DNAH11: variants seen among roughly 807,000 people sequenced by gnomAD.
The protein encoded by DNAH11 is axonemal beta dynein heavy chain 11.
DNAH11 carries 442 observed loss-of-function variants against 526.0 expected under a neutral mutation model. The observed-to-expected ratio is 0.84, with a 90% CI of 0.78 to 0.91. The LOEUF is 0.91. DNAH11 is among the 40% of genes least tolerant of loss of function. DNAH11 has a pLI of 0.00. For missense variants in DNAH11, 6,989 were observed against 5,448.7 expected (o/e 1.28, Z -8.90); for synonymous variants, 2,461 against 1,935.9 (o/e 1.27, Z -7.12).
chr7:21,820,589 G>T (rs1455387245), intron 65 of DNAH11, among the ~76,000 whole-genome samples: 1 of 152,184 alleles, frequency 6.6e-6, no homozygotes, highest in Non-Finnish European at 1.5e-5. Flanking sequence ...TGGAGAGTCT[G>T]TGTTGGGGAG....
intron 14 of DNAH11, among the ~76,000 whole-genome samples, chr7:21,599,050 A>G (rs1181028070): frequency 6.6e-6 from 1 of 152,142 alleles, no homozygotes; most frequent in African/African-American, 2.4e-5. Context: ...ATGAACATAC[A>G]TGTGTGTGTC....
chr7:21,810,669 C>T (rs530119002), intron 63 of DNAH11, among the ~76,000 whole-genome samples: 1 of 152,186 alleles, frequency 6.6e-6, no homozygotes, highest in East Asian at 1.9e-4. Context: ...AGTAATAAAG[C>T]TTTCATCAGA....
intron 62 of DNAH11, among the ~76,000 whole-genome samples, chr7:21,804,745 C>G (rs1257002830): frequency 6.6e-6 from 1 of 152,160 alleles, no homozygotes; most frequent in Non-Finnish European, 1.5e-5. Context: ...CCTAGGGTAC[C>G]TCTGCAGGCC....
chr7:21,589,224 G>A lies in DNAH11; in HGVS notation c.1990G>A (p.Asp664Asn). The change falls in exon 12 of 82, where the codon GAT becomes AAT. Residue 664 changes from aspartate (D) to asparagine (N), a missense_variant. Physicochemically the swap from Asp to Asn is conservative, Grantham distance 23 (BLOSUM62 1). Transcript: ENST00000409508. ...TTCCTACAGATTTTTGGGCAATCCT[G>A]ATCACGCTTTAGTTTATCAAAAGTA... The part of the protein sequence containing the change: ...SLRYLFLGNP[D>N]HALVYQKYVE... The A allele has an allele frequency of 6.2e-7, 1 of 1,604,566 alleles. No individual in the cohort carries two copies. The highest frequency in any genetic ancestry group is 8.5e-7 in the Non-Finnish European group (1 of 1,177,572).
chr7:21,748,536 G>A, intron 51 of DNAH11, 44 bp from the exon 52 acceptor site: 1 of 1,428,312 alleles, frequency 7.0e-7, no homozygotes, highest in South Asian at 1.8e-5. Context: ...ATAGTCCCGG[G>A]GCATTTTCGA....
intron 32 of DNAH11, among the ~76,000 whole-genome samples, chr7:21,686,633 T>C (rs573640252): frequency 4.7e-4 from 72 of 151,590 alleles, no homozygotes; most frequent in Non-Finnish European, 8.9e-4. Flanking sequence ...GTTATTTGTA[T>C]ACTATGTATT....
At chr7:21,858,504 A>G (rs1279535400) in intron 68 of DNAH11, among the ~76,000 whole-genome samples, 2 of 152,262 alleles carry the variant, frequency 1.3e-5, no homozygotes, top group African/African-American at 4.8e-5. Context: ...CAGATTTTGC[A>G]TGTTCCCACA....
At position 21,679,000 on chromosome 7, in the gene DNAH11, TAAAGAA is replaced by T. The variant is rs544283528; in HGVS notation, c.5329-2543_5329-2538del. Among the ~76,000 whole-genome samples, 614 of 152,210 alleles carry T rather than the reference TAAAGAA, an allele frequency of 4.0e-3. 1 individual carries two copies. Among genetic ancestry groups the T allele is most frequent in the Middle Eastern group, 6.8e-3 (2 of 294 alleles). Reference sequence around the variant, plus strand: ...ACCCAAGTATTCATTAATAGATGGATAAAGAAAATGTGTAGACACTCATGCCCATGC... The same window carrying T: ...ACCCAAGTATTCATTAATAGATGGATAATGTGTAGACACTCATGCCCATGC... On this transcript the variant is annotated intron_variant, in intron 30 of 81. Transcript: ENST00000409508.
At chr7:21,712,819 G>A (rs1169104780) in intron 42 of DNAH11, among the ~76,000 whole-genome samples, 1 of 152,116 alleles carries the variant, frequency 6.6e-6, no homozygotes, top group Non-Finnish European at 1.5e-5. Flanking sequence ...TACATTTAAG[G>A]CTAACTAATT....
At chr7:21,834,729 C>G (rs1396939236) in intron 65 of DNAH11, among the ~76,000 whole-genome samples, 1 of 152,092 alleles carries the variant, frequency 6.6e-6, no homozygotes, top group Non-Finnish European at 1.5e-5. Context: ...GCCTGTAGCT[C>G]TAACTACCTG....
chr7:21,612,399 C>A (rs1785560716), intron 20 of DNAH11, among the ~76,000 whole-genome samples: 1 of 151,448 alleles, frequency 6.6e-6, no homozygotes, highest in Admixed American at 6.6e-5. Context: ...ACTAAAAATA[C>A]AAAAAATTAG....
chr7:21,625,099 A>C (rs1180901946), intron 25 of DNAH11, among the ~76,000 whole-genome samples: 1 of 152,024 alleles, frequency 6.6e-6, no homozygotes, highest in East Asian at 1.9e-4. Context: ...GAAGAGTTTG[A>C]GAAGGGTTAG....
At chr7:21,892,334 C>T in intron 76 of DNAH11, 91 bp from the exon 77 acceptor site, 1 of 1,517,580 alleles carries the variant, frequency 6.6e-7, no homozygotes, top group Non-Finnish European at 8.8e-7. Context: ...GTGCTGGAGC[C>T]TTCTTGTCAG....
Position 21,591,223 on chromosome 7 carries a change from T to C in DNAH11, c.2313T>C (p.Asn771=), listed in dbSNP as rs753701585. 1 of 1,574,300 alleles carries C rather than the reference T, an allele frequency of 6.4e-7. No individual in the cohort carries two copies. Among genetic ancestry groups the C allele is most frequent in the Non-Finnish European group, 8.6e-7 (1 of 1,162,044 alleles). The change falls in exon 14 of 82, where the codon AAT becomes AAC. Residue 771 remains asparagine, a synonymous_variant. Transcript: ENST00000409508. ...GNLDLLVQGY[N]KLKQTLLEVE... is the part of the protein sequence containing the mutation. ...TTGACCTTCTTGTGCAAGGGTATAATAAACTCAAACAGACGCTCCTGGAAG... is the reference window on the plus strand; with the variant it reads ...TTGACCTTCTTGTGCAAGGGTATAACAAACTCAAACAGACGCTCCTGGAAG...
intron 43 of DNAH11, among the ~76,000 whole-genome samples, chr7:21,718,499 C>G (rs896365786): frequency 6.6e-6 from 1 of 152,166 alleles, no homozygotes; most frequent in African/African-American, 2.4e-5. Flanking sequence ...GAGTGTCAGT[C>G]TGGATGAAGA....
chr7:21,776,576 C>G (rs1416827511), intron 56 of DNAH11, among the ~76,000 whole-genome samples: 1 of 152,158 alleles, frequency 6.6e-6, no homozygotes, highest in African/African-American at 2.4e-5. Flanking sequence ...TAACCTCTCT[C>G]TAGATGTCAG....
intron 65 of DNAH11, among the ~76,000 whole-genome samples, chr7:21,824,903 G>A (rs891075619): frequency 6.6e-6 from 1 of 152,040 alleles, no homozygotes; most frequent in Non-Finnish European, 1.5e-5. Context: ...ACAGAGTCTT[G>A]CTCTGTCATC....
At chr7:21,568,250 T>C (rs758255698) in intron 6 of DNAH11, among the ~76,000 whole-genome samples, 1 of 152,190 alleles carries the variant, frequency 6.6e-6, no homozygotes, top group African/African-American at 2.4e-5. Context: ...ATCCTAAATC[T>C]AGTGGCTTTT....
intron 48 of DNAH11, among the ~76,000 whole-genome samples, chr7:21,741,642 T>G (rs1785903176): frequency 6.6e-6 from 1 of 152,192 alleles, no homozygotes; most frequent in South Asian, 2.1e-4. Flanking sequence ...TGACCCTGCT[T>G]TATGTGTCCC....
Sources: gnomAD v4.1 joint callset for allele counts (sites outside exome capture counted in the v4.1 genomes callset) on GRCh38, gnomAD v4.1.1 for gene constraint, MANE v1.5 for transcripts, NCBI Gene and HGNC (gene_info 2026-07-23, HGNC 2026-07-21) for gene names.